The following GRIK2 variants were observed in gnomAD, a reference collection of about 807,000 sequenced individuals.
GRIK2 encodes glutamate ionotropic receptor kainate type subunit 2.
GRIK2 carries 32 observed loss-of-function variants against 100.3 expected under a neutral mutation model. That is an observed-to-expected ratio of 0.32 (90% CI 0.24 to 0.43). The LOEUF is 0.43. Ranked by LOEUF, GRIK2 falls within the 20% of genes least tolerant of loss-of-function variation. GRIK2 has a pLI of 1.00. For missense variants in GRIK2, 843 were observed against 1,114.9 expected (o/e 0.76, Z 3.47); for synonymous variants, 417 against 389.4 (o/e 1.07, Z -0.83).
chr6:101,970,824 C>T (rs1793003555), intron 14 of GRIK2, among the ~76,000 whole-genome samples: 2 of 150,728 alleles, frequency 1.3e-5, no homozygotes, highest in East Asian at 1.9e-4. Flanking sequence ...TCAAGTCCCA[C>T]CTCCTACCTC....
chr6:101,623,502 G>T (rs185564993), intron 3 of GRIK2, among the ~76,000 whole-genome samples: 1 of 152,156 alleles, frequency 6.6e-6, no homozygotes, highest in East Asian at 1.9e-4. Context: ...AAGAAGTTCT[G>T]CCTCTAATGA....
chr6:101,639,190 C>A (rs539715844), intron 4 of GRIK2, among the ~76,000 whole-genome samples: 1 of 152,200 alleles, frequency 6.6e-6, no homozygotes, highest in African/African-American at 2.4e-5. Context: ...GCACGTGCCA[C>A]CATGCCCGGC....
intron 7 of GRIK2, among the ~76,000 whole-genome samples, chr6:101,756,571 T>C (rs1341969828): frequency 1.3e-5 from 2 of 152,188 alleles, no homozygotes; most frequent in Non-Finnish European, 2.9e-5. Context: ...ATCATGAATC[T>C]CAGAGGCTGT....
chr6:101,410,937 A>G (rs1775860477), intron 2 of GRIK2, among the ~76,000 whole-genome samples: 1 of 152,140 alleles, frequency 6.6e-6, no homozygotes, highest in Non-Finnish European at 1.5e-5. Flanking sequence ...CAACTAGACT[A>G]AGCACAGTTT....
chr6:101,865,006 T>C (rs1207864418), intron 11 of GRIK2, among the ~76,000 whole-genome samples: 1 of 152,208 alleles, frequency 6.6e-6, no homozygotes, highest in Non-Finnish European at 1.5e-5. Flanking sequence ...AATTAACCAT[T>C]TGATGTAGGT....
At chr6:101,997,497 C>T (rs1207422525) in intron 14 of GRIK2, among the ~76,000 whole-genome samples, 1 of 151,942 alleles carries the variant, frequency 6.6e-6, no homozygotes, top group Non-Finnish European at 1.5e-5. Flanking sequence ...TGTTTCTAAT[C>T]CACAAGTTTT....
At chr6:101,776,490 T>C (rs1019754775) in intron 7 of GRIK2, among the ~76,000 whole-genome samples, 1 of 152,168 alleles carries the variant, frequency 6.6e-6, no homozygotes, top group African/African-American at 2.4e-5. Context: ...TCTAGTAATA[T>C]GAATGTTAGC....
chr6:101,923,925 C>CAAAA (rs768844963), intron 12 of GRIK2, among the ~76,000 whole-genome samples: 2 of 60,776 alleles, frequency 3.3e-5, no homozygotes, highest in African/African-American at 5.2e-5. Flanking sequence ...ATTCTGTCTC[C>CAAAA]AAAAAAAAAA....
chr6:101,616,058 C>T (rs1308036042), intron 2 of GRIK2, among the ~76,000 whole-genome samples: 1 of 151,724 alleles, frequency 6.6e-6, no homozygotes, highest in African/African-American at 2.4e-5. Flanking sequence ...ATTTGCCATG[C>T]TTTGGATTTG....
intron 2 of GRIK2, among the ~76,000 whole-genome samples, chr6:101,442,480 G>T (rs899908497): frequency 1.3e-5 from 2 of 152,060 alleles, no homozygotes; most frequent in African/African-American, 4.8e-5. Context: ...TTTTTTACTT[G>T]GCTGTCTCCG....
At chr6:101,487,292 C>T (rs1385607001) in intron 2 of GRIK2, among the ~76,000 whole-genome samples, 1 of 146,216 alleles carries the variant, frequency 6.8e-6, no homozygotes, top group African/African-American at 2.6e-5. Flanking sequence ...AAACACTGGT[C>T]TAAAAGTTCA....
At chr6:101,938,665 TATAA>T (rs1306634333) in intron 14 of GRIK2, among the ~76,000 whole-genome samples, 1 of 152,084 alleles carries the variant, frequency 6.6e-6, no homozygotes, top group African/African-American at 2.4e-5. Context: ...TTAATAATTT[TATAA>T]ATAAAGAACT....
intron 2 of GRIK2, among the ~76,000 whole-genome samples, chr6:101,475,597 T>A (rs1224841323): frequency 6.6e-6 from 1 of 152,016 alleles, no homozygotes; most frequent in Non-Finnish European, 1.5e-5. Flanking sequence ...TGTTTCTGTA[T>A]CTGCTAGACT....
intron 2 of GRIK2, among the ~76,000 whole-genome samples, chr6:101,522,329 T>C (rs1419064972): frequency 6.6e-6 from 1 of 152,154 alleles, no homozygotes; most frequent in Non-Finnish European, 1.5e-5. Context: ...TCTCTGTGTA[T>C]TAATCCAGAT....
intron 10 of GRIK2, among the ~76,000 whole-genome samples, chr6:101,826,723 A>G (rs1256116199): frequency 6.6e-6 from 1 of 152,034 alleles, no homozygotes; most frequent in Non-Finnish European, 1.5e-5. Context: ...AATGACCAAA[A>G]TAGAAATTAT....
chr6:101,867,203 C>T (rs558083578), intron 11 of GRIK2, among the ~76,000 whole-genome samples: 1 of 151,860 alleles, frequency 6.6e-6, no homozygotes, highest in Non-Finnish European at 1.5e-5. Flanking sequence ...GTACCTCCCC[C>T]CAACACACCA....
At chr6:101,865,965 T>C (rs950837886) in intron 11 of GRIK2, among the ~76,000 whole-genome samples, 3 of 150,658 alleles carry the variant, frequency 2.0e-5, no homozygotes, top group African/African-American at 7.3e-5. Flanking sequence ...AAATAAAAAC[T>C]GTTGGGGAGT....
intron 7 of GRIK2, among the ~76,000 whole-genome samples, chr6:101,768,280 T>G (rs1042920494): frequency 2.0e-5 from 3 of 152,242 alleles, no homozygotes; most frequent in Non-Finnish European, 4.4e-5. Context: ...TGCACACATC[T>G]GTAAATGCAT....
chr6:101,812,402 G>C (rs1284803314), intron 9 of GRIK2, among the ~76,000 whole-genome samples: 1 of 151,680 alleles, frequency 6.6e-6, no homozygotes, highest in African/African-American at 2.4e-5. Flanking sequence ...AACACAGCAG[G>C]ATCAATAAAA....
Sources: allele counts gnomAD v4.1 joint callset (sites outside exome capture counted in the v4.1 genomes callset), GRCh38; gene constraint gnomAD v4.1.1; transcripts MANE v1.5; gene names NCBI Gene and HGNC (gene_info 2026-07-23, HGNC 2026-07-21).